MGA: variants seen among roughly 807,000 people sequenced by gnomAD.
MGA encodes the protein MAX dimerization protein MGA, also known as MAX gene-associated protein.
Under a neutral mutation model 261.1 loss-of-function variants are expected in MGA, and 40 were observed. The ratio of observed to expected loss-of-function variants is 0.15; its 90% CI spans 0.12 to 0.20. The LOEUF is 0.20. MGA is among the 10% of genes least tolerant of loss of function. The pLI, the probability that MGA is intolerant of heterozygous loss-of-function variation, is 1.00. For synonymous variants in MGA, 1,302 were observed against 1,290.6 expected, an observed-to-expected ratio of 1.01 and a Z score of -0.19; for missense variants, 3,397 against 3,630.5, an observed-to-expected ratio of 0.94 and a Z score of 1.65.
At chr15:41,728,279 C>T (rs1436835529) in intron 10 of MGA, among the ~76,000 whole-genome samples, 1 of 152,024 alleles carries the variant, frequency 6.6e-6, no homozygotes, top group African/African-American at 2.4e-5. Context: ...TGTGGTGAGC[C>T]GAGATTGCTC....
At position 41,760,396 on chromosome 15, in the gene MGA, CTTA is replaced by C; in HGVS notation, c.7270_7272del (p.Tyr2424del). Reference sequence around the variant, plus strand: ...CTACAGAAAGAAGCAGAAGCGTTTGCTTATTATCGCCGGACACACACTGCCAAT... The same window carrying C: ...CTACAGAAAGAAGCAGAAGCGTTTGCTTATCGCCGGACACACACTGCCAAT... On this transcript the variant is annotated inframe_deletion, in exon 20 of 24. Coordinates refer to ENST00000219905, the MANE Select transcript of MGA (RefSeq NM_001164273.2). 4 of 1,613,984 alleles carry C rather than the reference CTTA, an allele frequency of 2.5e-6. No homozygotes were observed. The highest frequency in any genetic ancestry group is 3.4e-6 in the Non-Finnish European group (4 of 1,179,888).
At chr15:41,727,571 T>C (rs761701759) in intron 10 of MGA, among the ~76,000 whole-genome samples, 165 bp downstream of exon 10, 1 of 152,240 alleles carries the variant, frequency 6.6e-6, no homozygotes, top group Non-Finnish European at 1.5e-5. Context: ...GCTGGCACTT[T>C]AAAAATGTCT....
intron 9 of MGA, among the ~76,000 whole-genome samples, chr15:41,714,993 G>A (rs1168992388): frequency 6.6e-6 from 1 of 151,688 alleles, no homozygotes; most frequent in East Asian, 1.9e-4. Context: ...CCTTTAGTTT[G>A]CAGAAGCTTT....
At chr15:41,748,484 G>A (rs2062637571) in intron 15 of MGA, among the ~76,000 whole-genome samples, 153 bp from the exon 16 acceptor site, 3 of 152,190 alleles carry the variant, frequency 2.0e-5, no homozygotes, top group Admixed American at 2.0e-4. Flanking sequence ...AACTAGGGAG[G>A]TGCGGAGGTT....
At chr15:41,689,562 C>CTT (rs796926260) in intron 2 of MGA, among the ~76,000 whole-genome samples, 2 of 139,368 alleles carry the variant, frequency 1.4e-5, no homozygotes, top group African/African-American at 2.8e-5. Context: ...TTTTCTTTTT[C>CTT]TTTTTTTTTT....
chr15:41,718,191 G>T (rs1361165505), intron 9 of MGA, among the ~76,000 whole-genome samples: 1 of 150,726 alleles, frequency 6.6e-6, no homozygotes, highest in Non-Finnish European at 1.5e-5. Flanking sequence ...TAGTGAATGT[G>T]GTTAAATTGA....
chr15:41,727,583 A>C (rs977184379), intron 10 of MGA, among the ~76,000 whole-genome samples, 177 bp downstream of exon 10: 4 of 152,214 alleles, frequency 2.6e-5, no homozygotes, highest in Non-Finnish European at 5.9e-5. Flanking sequence ...AAAATGTCTT[A>C]AAAGTAGAAA....
At chr15:41,737,336 G>A (rs2061840576) in intron 13 of MGA, among the ~76,000 whole-genome samples, 1 of 149,276 alleles carries the variant, frequency 6.7e-6, no homozygotes, top group Admixed American at 6.7e-5. Context: ...TTTTTTTTTA[G>A]TAGAGACGGG....
At position 41,699,104 on chromosome 15, in the gene MGA, A is replaced by G; in HGVS notation, c.2133A>G (p.Ile711Met). ...TTTCCCAGTTGGAAAAGGAATTGAT[A>G]GAAGATTTGAAGACTTTGCGGCACA... Residue 711 changes from isoleucine (I) to methionine (M), a missense_variant, in exon 5 of 24, where the codon ATA becomes ATG. Around this residue, in one of 9 missense-constraint regions of MGA, gnomAD observed 563 missense variants for 563.6 expected, o/e 1.00. Transcript: ENST00000219905. The G allele has an allele frequency of 1.2e-6, 2 of 1,612,940 alleles. No individual in the cohort carries two copies. The highest frequency in any genetic ancestry group is 1.7e-6 in the Non-Finnish European group (2 of 1,179,452).
chr15:41,762,572 G>A (rs200341678), intron 22 of MGA, among the ~76,000 whole-genome samples: 2 of 138,088 alleles, frequency 1.4e-5, no homozygotes, highest in East Asian at 2.3e-4. Flanking sequence ...AGGTTCAAGC[G>A]ATTATCTGCT....
At chr15:41,641,101 C>A (rs2056811512) in intron 1 of MGA, among the ~76,000 whole-genome samples, 1 of 152,116 alleles carries the variant, frequency 6.6e-6, no homozygotes, top group African/African-American at 2.4e-5. Flanking sequence ...AAATGAGGTC[C>A]TTTGTGATCA....
rs1352779486 is a variant in MGA at position 41,749,738 on chromosome 15, C to G, written c.6131C>G (p.Thr2044Ser). 1 of 1,613,886 alleles carries G rather than the reference C, an allele frequency of 6.2e-7. No homozygotes were observed. The highest frequency in any genetic ancestry group is 1.3e-5 in the African/African-American group (1 of 74,920). The change falls in exon 17 of 24, where the codon ACT becomes AGT. Residue 2044 changes from threonine (T) to serine (S), a missense_variant. Physicochemically the swap from Thr to Ser is moderately conservative, Grantham distance 58. Coordinates refer to ENST00000219905, the MANE Select transcript of MGA (RefSeq NM_001164273.2). ...TGCCTTCCAGAAGAAGGTTGTGCAA[C>G]TGTCAAACCATCTGAGCATTCCTGT...
In MGA at chr15:41,733,722, C is replaced by T. The variant is rs376860276; in HGVS notation, c.3844-800C>T. On this transcript the variant is annotated intron_variant, in intron 11 of 23. Coordinates refer to ENST00000219905, the MANE Select transcript of MGA (RefSeq NM_001164273.2). ...ATGTATGTATGTTTACTCAAACATA[C>T]GCATATATATAGCTGTTCAGTGCAC... 7.2e-5 allele frequency among the ~76,000 whole-genome samples: 11 copies of T among 152,264 alleles called. No homozygotes were observed. In the East Asian group the frequency reaches 7.7e-4, roughly 11 times the overall value.
In MGA at chr15:41,762,116, T is replaced by C. The variant is rs1003676298; in HGVS notation, c.7511-13T>C. On this transcript the variant is annotated splice_polypyrimidine_tract_variant and intron_variant, in intron 21 of 23. Coordinates refer to ENST00000219905, the MANE Select transcript of MGA (RefSeq NM_001164273.2). ...TAATGCTGAAAGTGCTAATGTATTC[T>C]GTTAACTTACAGGTAAGACAGAAGA... 5.0e-6 allele frequency: 8 copies of C among 1,594,294 alleles called. No individual in the cohort carries two copies. The highest frequency in any genetic ancestry group is 6.9e-6 in the Non-Finnish European group (8 of 1,164,678).
chr15:41,685,281 G>A lies in MGA; in HGVS notation c.1065-10794G>A, dbSNP rs190746352. 2.1e-4 allele frequency among the ~76,000 whole-genome samples: 32 copies of A among 152,266 alleles called. No individual in the cohort carries two copies. The East Asian group carries it at 6.0e-3, about 28-fold the overall frequency. On this transcript the variant is annotated intron_variant, in intron 2 of 23. Coordinates refer to ENST00000219905, the MANE Select transcript of MGA (RefSeq NM_001164273.2). Reference sequence around the variant, plus strand: ...CAGCTGACTATATGCGCACAGGTAGGTTTATTTTATACTAAATTCTGTTTC... The same window carrying A: ...CAGCTGACTATATGCGCACAGGTAGATTTATTTTATACTAAATTCTGTTTC...
intron 2 of MGA, among the ~76,000 whole-genome samples, chr15:41,678,909 T>G (rs1311508590): frequency 6.6e-6 from 1 of 152,260 alleles, no homozygotes; most frequent in East Asian, 1.9e-4. Context: ...TTTATGTTTA[T>G]CTTTATGCCA....
At chr15:41,729,935 C>T (rs2061424781) in intron 11 of MGA, among the ~76,000 whole-genome samples, 1 of 151,896 alleles carries the variant, frequency 6.6e-6, no homozygotes, top group Non-Finnish European at 1.5e-5. Context: ...TCTTGTTGCC[C>T]AGGCTGGAGT....
chr15:41,649,576 C>G (rs2057000329), intron 1 of MGA, among the ~76,000 whole-genome samples: 1 of 152,080 alleles, frequency 6.6e-6, no homozygotes, highest in Non-Finnish European at 1.5e-5. Context: ...TGATGATTGA[C>G]TTGATGTAGA....
At chr15:41,706,366 G>A (rs2060113499) in intron 5 of MGA, among the ~76,000 whole-genome samples, 2 of 149,088 alleles carry the variant, frequency 1.3e-5, no homozygotes, top group African/African-American at 2.5e-5. Context: ...TCCCACCTCA[G>A]CTTTCCAAGT....
Sources: allele counts gnomAD v4.1 joint callset (sites outside exome capture counted in the v4.1 genomes callset), GRCh38; gene constraint gnomAD v4.1.1; regional missense constraint gnomAD v4.1.1; transcripts MANE v1.5; gene names NCBI Gene and HGNC (gene_info 2026-07-23, HGNC 2026-07-21).